The following RPS6KA3 variants were observed in gnomAD, a reference collection of about 807,000 sequenced individuals.
RPS6KA3 encodes ribosomal protein S6 kinase A3, also known as ribosomal protein S6 kinase alpha-3.
Under a neutral mutation model 67.2 loss-of-function variants are expected in RPS6KA3, and 4 were observed. The observed-to-expected ratio is 0.06, with a 90% CI of 0.03 to 0.14. The LOEUF (loss-of-function observed/expected upper bound fraction) is 0.14, where lower values mean the gene tolerates loss of function less well. RPS6KA3 is among the 10% of genes least tolerant of loss of function. RPS6KA3 has a pLI of 1.00. For missense variants in RPS6KA3, 204 were observed against 559.0 expected, an observed-to-expected ratio of 0.36 and a Z score of 6.40; for synonymous variants, 182 against 183.7, an observed-to-expected ratio of 0.99 and a Z score of 0.07.
At chrX:20,164,343 G>T (rs1466304447) in intron 18 of RPS6KA3, among the ~76,000 whole-genome samples, 2 of 108,808 alleles carry the variant, frequency 1.8e-5, no homozygotes, top group African/African-American at 6.7e-5. Flanking sequence ...TTCAGGTAGG[G>T]AATACCGGAG....
chrX:20,264,996 T>C (rs895112802), intron 1 of RPS6KA3, among the ~76,000 whole-genome samples: 1 of 112,396 alleles, frequency 8.9e-6, no homozygotes, highest in Non-Finnish European at 1.9e-5. Flanking sequence ...AATAAAATAT[T>C]TATAGTATTA....
intron 3 of RPS6KA3, among the ~76,000 whole-genome samples, 184 bp downstream of exon 3, chrX:20,209,104 C>T (rs1026421961): frequency 7.1e-5 from 8 of 111,907 alleles, no homozygotes; most frequent in African/African-American, 2.6e-4. Flanking sequence ...ACTGAAGTCT[C>T]CAACGTACTT....
intron 1 of RPS6KA3, among the ~76,000 whole-genome samples, chrX:20,247,935 T>G (rs886454597): frequency 1.1e-4 from 12 of 112,137 alleles, no homozygotes; most frequent in African/African-American, 3.9e-4. Flanking sequence ...ACCATAGCTT[T>G]TTTTCTCATT....
intron 1 of RPS6KA3, among the ~76,000 whole-genome samples, chrX:20,258,634 T>C (rs2070138402): frequency 8.9e-6 from 1 of 112,002 alleles, no homozygotes; most frequent in Non-Finnish European, 1.9e-5. Context: ...GATGAGATTA[T>C]CACCATATGT....
intron 2 of RPS6KA3, among the ~76,000 whole-genome samples, chrX:20,219,702 A>G (rs12833731): frequency 1.8e-5 from 2 of 111,651 alleles, no homozygotes; most frequent in Admixed American, 1.9e-4. Context: ...CCCTTACTCC[A>G]TTTCATTTCA....
Position 20,254,229 on chromosome X carries a change from T to C in RPS6KA3, c.69+12335A>G, listed in dbSNP as rs148343868. Among the ~76,000 whole-genome samples, 445 of 112,382 alleles carry C rather than the reference T, an allele frequency of 4.0e-3. 2 individuals carry two copies. Among genetic ancestry groups the C allele is most frequent in the African/African-American group, 0.014 (421 of 30,988 alleles). On this transcript the variant is annotated intron_variant, in intron 1 of 21. Coordinates refer to ENST00000379565, the MANE Select transcript of RPS6KA3 (RefSeq NM_004586.3). ...GACTTATATTTAATTTCAGAGATTC[T>C]AGGCATATTATCTTCCTATTAAGAT...
At chrX:20,212,940 T>C (rs770485118) in intron 2 of RPS6KA3, among the ~76,000 whole-genome samples, 1 of 111,744 alleles carries the variant, frequency 8.9e-6, no homozygotes, top group South Asian at 3.7e-4. Flanking sequence ...ATAATATCCC[T>C]TTCTGCCTGC....
chrX:20,228,573 T>C, intron 2 of RPS6KA3, among the ~76,000 whole-genome samples: 1 of 110,945 alleles, frequency 9.0e-6, no homozygotes, highest in Non-Finnish European at 1.9e-5. Flanking sequence ...ATATCTTCTG[T>C]CTCCAGAGGA....
In RPS6KA3 at chrX:20,152,655, A is replaced by G. The variant is rs984710115; in HGVS notation, c.*2743T>C. 44 of 112,374 alleles carry G rather than the reference A, an allele frequency of 3.9e-4. No individual in the cohort carries two copies. Among genetic ancestry groups the G allele is most frequent in the Non-Finnish European group, 6.8e-4 (36 of 53,256 alleles). The allele number at this position is 112,374 out of a possible 1,213,427, so 9.3% of individuals were successfully genotyped here. A position where few individuals can be genotyped will look rare whatever the true frequency, so the allele number is the denominator to read the frequency against. On this transcript the variant is annotated 3_prime_UTR_variant, in exon 22 of 22. Transcript: ENST00000379565. ...TTAACCCAACACAAGCACTATATTT[A>G]GAGCACATCGTTGGCCAAGTTTTTC...
chrX:20,204,155 C>T (rs1246610747), intron 3 of RPS6KA3, 52 bp from the exon 4 acceptor site: 11 of 811,956 alleles, frequency 1.4e-5, no homozygotes, highest in East Asian at 9.7e-5. Context: ...AAACTATATC[C>T]TTGTTAAAAT....
At chrX:20,226,785 G>A (rs2069132094) in intron 2 of RPS6KA3, among the ~76,000 whole-genome samples, 1 of 111,549 alleles carries the variant, frequency 9.0e-6, no homozygotes, top group Admixed American at 9.5e-5. Context: ...TTGCCTTTAT[G>A]TGATAAATAA....
chrX:20,260,787 A>G (rs2070203298), intron 1 of RPS6KA3, among the ~76,000 whole-genome samples: 1 of 111,721 alleles, frequency 9.0e-6, no homozygotes, highest in Non-Finnish European at 1.9e-5. Context: ...TGAGGTAGAC[A>G]TTATTTTCAT....
intron 10 of RPS6KA3, among the ~76,000 whole-genome samples, chrX:20,185,005 G>C (rs1259712751): frequency 9.0e-6 from 1 of 110,944 alleles, no homozygotes; most frequent in African/African-American, 3.3e-5. Context: ...GAGTGCAGTG[G>C]CATGATCTTG....
intron 3 of RPS6KA3, among the ~76,000 whole-genome samples, chrX:20,208,312 G>A (rs1222473240): frequency 2.7e-5 from 3 of 111,011 alleles, no homozygotes; most frequent in Non-Finnish European, 5.7e-5. Context: ...TCAAGCAGTA[G>A]TAATTATGAT....
intron 20 of RPS6KA3, 134 bp from the exon 21 acceptor site, chrX:20,156,383 G>A (rs903746884): frequency 3.0e-6 from 2 of 663,906 alleles, no homozygotes; most frequent in Non-Finnish European, 4.7e-6. Context: ...GGTCAACATG[G>A]TAATTTGGGG....
chrX:20,175,369 A>G, intron 13 of RPS6KA3, 81 bp from the exon 14 acceptor site: 1 of 1,012,086 alleles, frequency 9.9e-7, no homozygotes, highest in Non-Finnish European at 1.4e-6. Context: ...GACCTTTTTC[A>G]CTTATTCTGG....
At position 20,188,554 on chromosome X, in the gene RPS6KA3, T is replaced by C; in HGVS notation, c.594-20A>G. ...AGTATACTGAAAAAAACAAAGAAAA[T>C]CTTTTAAGAACACTAAATAGAGATT... On this transcript the variant is annotated intron_variant, in intron 7 of 21. Transcript: ENST00000379565. The C allele has an allele frequency of 1.1e-6, 1 of 882,791 alleles. No homozygotes were observed. Among genetic ancestry groups the C allele is most frequent in the Non-Finnish European group, 1.7e-6 (1 of 604,121 alleles). 72.8% of individuals were successfully genotyped at this position (882,791 alleles called of 1,213,427 possible).
intron 20 of RPS6KA3, among the ~76,000 whole-genome samples, chrX:20,158,387 A>AAGAGAG (rs60488991): frequency 4.1e-5 from 4 of 97,416 alleles, no homozygotes; most frequent in African/African-American, 1.7e-4. Flanking sequence ...AAAAAAAAAA[A>AAGAGAG]AGAGAGAGAG....
rs781550844 is a variant in RPS6KA3, at chrX:20,156,148, T to C, written c.2061A>G (p.Gln687=). Residue 687 remains glutamine, a synonymous_variant, in exon 21 of 22, where the codon CAA becomes CAG. Coordinates refer to ENST00000379565, the MANE Select transcript of RPS6KA3 (RefSeq NM_004586.3). The part of the protein sequence containing the change: ...PWIVHWDQLP[Q]YQLNRQDAPH... Reference sequence around the variant, plus strand: ...GTGCATCCTGTCTGTTTAGTTGGTATTGTGGCAGTTGGTCCCAGTGGACGA... The same window carrying C: ...GTGCATCCTGTCTGTTTAGTTGGTACTGTGGCAGTTGGTCCCAGTGGACGA... 2.5e-6 allele frequency: 3 copies of C among 1,211,116 alleles called. No homozygotes were observed. Among genetic ancestry groups the C allele is most frequent in the South Asian group, 1.8e-5 (1 of 56,962 alleles).
Sources: allele counts gnomAD v4.1 joint callset (sites outside exome capture counted in the v4.1 genomes callset), GRCh38; gene constraint gnomAD v4.1.1; transcripts MANE v1.5; gene names NCBI Gene and HGNC (gene_info 2026-07-23, HGNC 2026-07-21).